The following IGF1R variants were observed in gnomAD, a reference collection of about 807,000 sequenced individuals.
The protein encoded by IGF1R is insulin like growth factor 1 receptor.
Under a neutral mutation model 144.6 loss-of-function variants are expected in IGF1R, and 44 were observed. The observed-to-expected ratio is 0.30, with a 90% CI of 0.24 to 0.39. IGF1R has a LOEUF of 0.39. IGF1R is among the 10% of genes least tolerant of loss of function. The pLI is 1.00. For synonymous variants in IGF1R, 795 were observed against 722.8 expected, an observed-to-expected ratio of 1.10 and a Z score of -1.60; for missense variants, 1,355 against 1,833.7, an observed-to-expected ratio of 0.74 and a Z score of 4.77.
Position 98,961,869 on chromosome 15 carries a change from T to C in IGF1R, c.*4427T>C, listed in dbSNP as rs1238664969. 4.3e-6 allele frequency: 1 copy of C among 233,194 alleles called. No homozygotes were observed. Among genetic ancestry groups the C allele is most frequent in the Non-Finnish European group, 8.5e-6 (1 of 118,072 alleles). 14.4% of individuals were successfully genotyped at this position (233,194 alleles called of 1,614,324 possible). ...CCGACCTGGCCTCTCCTGGCCTGTT[T>C]CTTAAGATGCGGAGTCACATTTCAA... On this transcript the variant is annotated 3_prime_UTR_variant, in exon 21 of 21. Coordinates refer to ENST00000650285, the MANE Select transcript of IGF1R (RefSeq NM_000875.5).
chr15:98,866,980 A>G (rs1305074709), intron 2 of IGF1R, among the ~76,000 whole-genome samples: 1 of 152,130 alleles, frequency 6.6e-6, no homozygotes, highest in African/African-American at 2.4e-5. Flanking sequence ...ACACTTTTTT[A>G]AATTCATGAC....
intron 2 of IGF1R, among the ~76,000 whole-genome samples, chr15:98,746,090 A>G (rs1028268282): frequency 6.6e-6 from 1 of 152,170 alleles, no homozygotes; most frequent in African/African-American, 2.4e-5. Flanking sequence ...TCTCCAGTAT[A>G]TTAGGTGGAG....
chr15:98,902,091 A>G (rs1181637832), intron 5 of IGF1R, among the ~76,000 whole-genome samples: 2 of 152,066 alleles, frequency 1.3e-5, no homozygotes, highest in Non-Finnish European at 2.9e-5. Flanking sequence ...GTGTTTCTCA[A>G]ACTTTGCTAC....
At chr15:98,731,949 G>C (rs754274044) in intron 2 of IGF1R, among the ~76,000 whole-genome samples, 1 of 152,226 alleles carries the variant, frequency 6.6e-6, no homozygotes, top group African/African-American at 2.4e-5. Context: ...AGACCAGTTG[G>C]ATTCCTCTCA....
chr15:98,907,341 G>A (rs1382854889), intron 5 of IGF1R, among the ~76,000 whole-genome samples: 1 of 152,220 alleles, frequency 6.6e-6, no homozygotes, highest in Non-Finnish European at 1.5e-5. Flanking sequence ...CTCACCAGAT[G>A]CAGAGAGATC....
intron 2 of IGF1R, among the ~76,000 whole-genome samples, chr15:98,725,814 T>C (rs10163023): frequency 1.3e-5 from 2 of 152,112 alleles, no homozygotes; most frequent in Non-Finnish European, 2.9e-5. Context: ...AAAAGGTACT[T>C]CTTACATGGT....
intron 1 of IGF1R, among the ~76,000 whole-genome samples, chr15:98,650,410 G>A (rs2052329658): frequency 1.3e-5 from 2 of 152,242 alleles, no homozygotes; most frequent in South Asian, 2.1e-4. Context: ...GCAGCCCCCC[G>A]GGAAGTGCGA....
Position 98,935,000 on chromosome 15 carries a change from A to G in IGF1R, c.3133A>G (p.Ile1045Val). ...VNEAASMRER[I>V]EFLNEASVMK... is the part of the protein sequence containing the mutation. ...CGAGGCCGCAAGCATGCGTGAGAGG[A>G]TTGAGTTTCTCAACGAAGCTTCTGT... The change falls in exon 16 of 21, where the codon ATT (isoleucine) becomes GTT (valine). Residue 1045 changes from isoleucine (I) to valine (V), a missense_variant. By Grantham distance (29) the Ile-to-Val change is conservative. Transcript: ENST00000650285. The G allele has an allele frequency of 1.9e-6, 3 of 1,614,134 alleles. No individual in the cohort carries two copies. In the South Asian group the frequency reaches 3.3e-5, roughly 18 times the overall value.
At chr15:98,841,183 G>A (rs540783465) in intron 2 of IGF1R, among the ~76,000 whole-genome samples, 60 of 152,284 alleles carry the variant, frequency 3.9e-4, no homozygotes, top group African/African-American at 1.4e-3. Context: ...ATGTCCTGTG[G>A]TTGATAGAAA....
intron 2 of IGF1R, among the ~76,000 whole-genome samples, chr15:98,776,256 G>A (rs1347720469): frequency 5.9e-5 from 9 of 151,394 alleles, no homozygotes; most frequent in Non-Finnish European, 1.2e-4. Context: ...GTGATCTCAG[G>A]TCACTGCAAC....
At chr15:98,833,665 A>G (rs2057042109) in intron 2 of IGF1R, among the ~76,000 whole-genome samples, 1 of 152,266 alleles carries the variant, frequency 6.6e-6, no homozygotes, top group Admixed American at 6.5e-5. Flanking sequence ...AATGTCATGT[A>G]ATAATAACAC....
chr15:98,698,888 G>A (rs1457494589), intron 1 of IGF1R, among the ~76,000 whole-genome samples: 1 of 152,196 alleles, frequency 6.6e-6, no homozygotes, highest in East Asian at 1.9e-4. Context: ...TAGATAACTG[G>A]CTAATTGAAA....
chr15:98,709,598 A>G (rs1343729855), intron 2 of IGF1R, among the ~76,000 whole-genome samples: 1 of 152,232 alleles, frequency 6.6e-6, no homozygotes, highest in Admixed American at 6.5e-5. Flanking sequence ...GACATTTAAA[A>G]ATTTTATCTG....
At chr15:98,845,296 G>T (rs2141541406) in intron 2 of IGF1R, among the ~76,000 whole-genome samples, 1 of 152,238 alleles carries the variant, frequency 6.6e-6, no homozygotes, top group Non-Finnish European at 1.5e-5. Flanking sequence ...CCTTTGAGGG[G>T]CTTTGTGCAT....
chr15:98,802,548 A>C (rs1434924657), intron 2 of IGF1R, among the ~76,000 whole-genome samples: 6 of 152,236 alleles, frequency 3.9e-5, no homozygotes, highest in Non-Finnish European at 5.9e-5. Flanking sequence ...TTGTGGAACA[A>C]AGTGTGTACA....
At chr15:98,898,006 C>G (rs980078250) in intron 4 of IGF1R, among the ~76,000 whole-genome samples, 5 of 151,084 alleles carry the variant, frequency 3.3e-5, no homozygotes, top group Admixed American at 3.3e-4. Context: ...AATGAGTAGA[C>G]TGTATTCTTA....
At chr15:98,875,034 G>T (rs961757926) in intron 2 of IGF1R, among the ~76,000 whole-genome samples, 1 of 152,192 alleles carries the variant, frequency 6.6e-6, no homozygotes. Context: ...CTTGTTCTCT[G>T]TGAGTAAAAC....
intron 2 of IGF1R, among the ~76,000 whole-genome samples, chr15:98,797,885 C>T (rs2056283328): frequency 6.6e-6 from 1 of 152,152 alleles, no homozygotes; most frequent in South Asian, 2.1e-4. Flanking sequence ...AATACAGACT[C>T]ACTGATTGTG....
At chr15:98,655,645 A>T (rs1037579006) in intron 1 of IGF1R, among the ~76,000 whole-genome samples, 16 of 134,628 alleles carry the variant, frequency 1.2e-4, no homozygotes, top group African/African-American at 2.5e-4. Context: ...CATGTTTATT[A>T]AAAAAAAAAA....
Sources: allele counts gnomAD v4.1 joint callset (sites outside exome capture counted in the v4.1 genomes callset), GRCh38; gene constraint gnomAD v4.1.1; transcripts MANE v1.5; gene names NCBI Gene and HGNC (gene_info 2026-07-23, HGNC 2026-07-21).